The following KIAA1328 variants were observed in gnomAD, a reference collection of about 807,000 sequenced individuals.
The protein encoded by KIAA1328 is protein hinderin.
A neutral mutation model predicts 68.1 loss-of-function variants in KIAA1328; 52 were observed. That is an observed-to-expected ratio of 0.76 (90% CI 0.61 to 0.96). The LOEUF (loss-of-function observed/expected upper bound fraction) is 0.96. KIAA1328 is among the 40% of genes least tolerant of loss of function. The pLI, the probability that KIAA1328 is intolerant of heterozygous loss-of-function variation, is 0.00. For missense variants in KIAA1328, 641 were observed against 677.6 expected (o/e 0.95, Z 0.60); for synonymous variants, 232 against 239.4 (o/e 0.97, Z 0.28).
chr18:37,197,302 G>A (rs2060022325), intron 9 of KIAA1328, among the ~76,000 whole-genome samples: 1 of 150,320 alleles, frequency 6.7e-6, no homozygotes, highest in Non-Finnish European at 1.5e-5. Context: ...AAAATTTTTT[G>A]TCTCAATTTC....
rs114441922 is a variant in KIAA1328, at chr18:36,866,066, G to A, written c.333-19491G>A. ...CATCCTCCTTGAGCTCTAATACCCTGTTTCAAGTTAACTGTTTGTTGGCTA... is the reference window on the plus strand; with the variant it reads ...CATCCTCCTTGAGCTCTAATACCCTATTTCAAGTTAACTGTTTGTTGGCTA... On this transcript the variant is annotated intron_variant, in intron 4 of 9. Transcript: ENST00000280020. Among the ~76,000 whole-genome samples the A allele has an allele frequency of 6.5e-3, 985 of 152,200 alleles. 15 individuals carry two copies. Among genetic ancestry groups the A allele is most frequent in the African/African-American group, 0.022 (911 of 41,514 alleles).
At chr18:36,946,344 T>C (rs1488725674) in intron 5 of KIAA1328, 1 of 152,142 alleles carries the variant, frequency 6.6e-6, no homozygotes, top group Non-Finnish European at 1.5e-5. Flanking sequence ...CATTTCAACA[T>C]AAAGGAGAAG....
At chr18:37,221,869 CTT>C (rs1218107961) in intron 9 of KIAA1328, 146 bp from the exon 10 acceptor site, 2 of 773,162 alleles carry the variant, frequency 2.6e-6, no homozygotes, top group Non-Finnish European at 4.1e-6. Context: ...TGGTGTTTAC[CTT>C]CACAAAAATT....
Position 36,829,444 on chromosome 18 carries a change from G to A in KIAA1328, c.58+248G>A. On this transcript the variant is annotated intron_variant, in intron 1 of 9. Coordinates refer to ENST00000280020, the MANE Select transcript of KIAA1328 (RefSeq NM_020776.3). ...GCTTCCCAGCGCTCACTACCGGTGAGCTCGAGAAAGATAGCCTTGAGTCCA... is the reference window on the plus strand; with the variant it reads ...GCTTCCCAGCGCTCACTACCGGTGAACTCGAGAAAGATAGCCTTGAGTCCA... The A allele has an allele frequency of 3.1e-6, 4 of 1,302,026 alleles. No homozygotes were observed. The South Asian group carries it at 6.9e-5, about 22-fold the overall frequency. The allele number at this position is 1,302,026 out of a possible 1,614,324, so 80.7% of individuals were successfully genotyped here.
intron 5 of KIAA1328, among the ~76,000 whole-genome samples, chr18:36,916,888 A>G (rs982140174): frequency 5.3e-5 from 8 of 151,162 alleles, no homozygotes; most frequent in African/African-American, 1.7e-4. Flanking sequence ...AGCTGAGACT[A>G]TAGGCATCTG....
chr18:37,023,748 G>T (rs2054441514), intron 6 of KIAA1328, among the ~76,000 whole-genome samples: 1 of 152,096 alleles, frequency 6.6e-6, no homozygotes, highest in African/African-American at 2.4e-5. Context: ...CATTATCTCT[G>T]CAGTGTCCCC....
At chr18:37,130,709 A>G (rs2058502002) in intron 7 of KIAA1328, among the ~76,000 whole-genome samples, 1 of 152,360 alleles carries the variant, frequency 6.6e-6, no homozygotes, top group Non-Finnish European at 1.5e-5. Flanking sequence ...GTAGAAAAAA[A>G]TAATCCTGAT....
chr18:36,871,836 T>TG (rs2047955894), intron 4 of KIAA1328, among the ~76,000 whole-genome samples: 1 of 151,942 alleles, frequency 6.6e-6, no homozygotes, highest in Non-Finnish European at 1.5e-5. Flanking sequence ...CAGACACAGC[T>TG]GGAAATGGGT....
At chr18:36,849,103 C>T (rs193255249) in intron 4 of KIAA1328, among the ~76,000 whole-genome samples, 66 of 151,902 alleles carry the variant, frequency 4.3e-4, no homozygotes, top group East Asian at 1.9e-4. Flanking sequence ...GTGGTAAGTA[C>T]ATTCACATTG....
intron 5 of KIAA1328, among the ~76,000 whole-genome samples, chr18:36,914,429 A>T (rs1000741299): frequency 6.6e-6 from 1 of 152,216 alleles, no homozygotes; most frequent in Non-Finnish European, 1.5e-5. Context: ...TAATAATATT[A>T]CAGGATCCAG....
intron 7 of KIAA1328, among the ~76,000 whole-genome samples, chr18:37,081,296 T>A (rs1271673947): frequency 6.6e-6 from 1 of 152,186 alleles, no homozygotes; most frequent in African/African-American, 2.4e-5. Flanking sequence ...CATTTTTAAT[T>A]GAACAGCTTT....
At chr18:36,960,727 C>T (rs564192445) in intron 6 of KIAA1328, among the ~76,000 whole-genome samples, 16 of 152,302 alleles carry the variant, frequency 1.1e-4, no homozygotes, top group Non-Finnish European at 2.4e-4. Context: ...AGAGACCTGA[C>T]TGTTAGAAGG....
intron 4 of KIAA1328, among the ~76,000 whole-genome samples, chr18:36,875,854 T>C (rs1033252282): frequency 1.8e-4 from 27 of 152,168 alleles, no homozygotes; most frequent in Admixed American, 1.7e-3. Flanking sequence ...CGGTACCTAG[T>C]GTATTGAGTG....
At chr18:37,031,010 A>G (rs1270566574) in intron 6 of KIAA1328, among the ~76,000 whole-genome samples, 2 of 152,114 alleles carry the variant, frequency 1.3e-5, no homozygotes, top group East Asian at 3.9e-4. Context: ...AAGGACATGA[A>G]CTCATCATTT....
At chr18:37,082,213 C>T (rs1227446021) in intron 7 of KIAA1328, among the ~76,000 whole-genome samples, 1 of 142,088 alleles carries the variant, frequency 7.0e-6, no homozygotes, top group Non-Finnish European at 1.5e-5. Flanking sequence ...ACTCTGTCAC[C>T]CAGGCTGAAG....
At chr18:37,166,409 T>C (rs936926282) in intron 8 of KIAA1328, among the ~76,000 whole-genome samples, 14 of 152,162 alleles carry the variant, frequency 9.2e-5, no homozygotes, top group Admixed American at 4.6e-4. Flanking sequence ...TTGTAAACTT[T>C]CTTAAAACAT....
chr18:37,023,644 G>A (rs2054435770), intron 6 of KIAA1328, among the ~76,000 whole-genome samples: 1 of 152,102 alleles, frequency 6.6e-6, no homozygotes, highest in Admixed American at 6.6e-5. Context: ...CATCTGGGAA[G>A]ACCTGTCAAC....
intron 7 of KIAA1328, among the ~76,000 whole-genome samples, chr18:37,113,182 G>C (rs2057988685): frequency 6.6e-6 from 1 of 152,034 alleles, no homozygotes; most frequent in Admixed American, 6.6e-5. Flanking sequence ...TCCTCGAGAA[G>C]AGCAACTCCA....
At chr18:36,913,002 T>G (rs773174050) in intron 5 of KIAA1328, among the ~76,000 whole-genome samples, 4 of 152,218 alleles carry the variant, frequency 2.6e-5, no homozygotes, top group Admixed American at 2.6e-4. Flanking sequence ...CCTCTGTGAT[T>G]TGAGGGTCCA....
Sources: gnomAD v4.1 joint callset for allele counts (sites outside exome capture counted in the v4.1 genomes callset) on GRCh38, gnomAD v4.1.1 for gene constraint, MANE v1.5 for transcripts, NCBI Gene and HGNC (gene_info 2026-07-23, HGNC 2026-07-21) for gene names.